OPCML: variants seen among roughly 807,000 people sequenced by gnomAD.
OPCML encodes opioid binding protein/cell adhesion molecule like.
In OPCML, 13 loss-of-function variants were observed where a neutral mutation model predicts 37.8. That is an observed-to-expected ratio of 0.34 (90% CI 0.22 to 0.55). The LOEUF (loss-of-function observed/expected upper bound fraction) is 0.55. OPCML is among the 20% of genes least tolerant of loss of function. OPCML has a pLI of 0.91. For missense variants in OPCML, 341 were observed against 435.6 expected, an observed-to-expected ratio of 0.78 and a Z score of 1.93; for synonymous variants, 176 against 168.8, an observed-to-expected ratio of 1.04 and a Z score of -0.33.
At chr11:132,866,133 A>G (rs931835862) in intron 2 of OPCML, among the ~76,000 whole-genome samples, 9 of 152,220 alleles carry the variant, frequency 5.9e-5, no homozygotes, top group African/African-American at 2.2e-4. Context: ...CTTTAATGCG[A>G]TCTCAAATTA....
intron 1 of OPCML, chr11:133,439,479 C>T (rs896152866): frequency 1.3e-4 from 123 of 977,666 alleles, no homozygotes; most frequent in Non-Finnish European, 1.3e-4. Flanking sequence ...TGTTTTTTTT[C>T]TTTTTTGAGA....
At chr11:132,430,689 T>G (rs2136701675) in intron 7 of OPCML, among the ~76,000 whole-genome samples, 1 of 152,292 alleles carries the variant, frequency 6.6e-6, no homozygotes, top group Non-Finnish European at 1.5e-5. Context: ...TTAATGTAAC[T>G]GATTTGTGTC....
chr11:133,257,480 T>G lies in OPCML; in HGVS notation c.61+274784A>C, dbSNP rs1648126764. Among the ~76,000 whole-genome samples, 5 of 152,152 alleles carry G rather than the reference T, an allele frequency of 3.3e-5. No homozygotes were observed. In the South Asian group the frequency reaches 1.0e-3, roughly 32 times the overall value. ...GTTGTTTCTGTACCTGTATCACAAGTTGGGTTGTGTGGCTGCTTCATCCAT... is the reference window on the plus strand; with the variant it reads ...GTTGTTTCTGTACCTGTATCACAAGGTGGGTTGTGTGGCTGCTTCATCCAT... On this transcript the variant is annotated intron_variant, in intron 1 of 7. Transcript: ENST00000524381.
chr11:132,925,738 C>T (rs996747132), intron 2 of OPCML, among the ~76,000 whole-genome samples: 5 of 152,008 alleles, frequency 3.3e-5, no homozygotes, highest in Admixed American at 6.6e-5. Context: ...AAGGTAGTGG[C>T]CTTATCCTAT....
intron 1 of OPCML, among the ~76,000 whole-genome samples, chr11:133,245,117 T>G (rs983223251): frequency 6.6e-6 from 1 of 152,166 alleles, no homozygotes; most frequent in Non-Finnish European, 1.5e-5. Context: ...TTCAAGGAAG[T>G]TGCAATCAGG....
At chr11:132,591,780 C>T (rs997679875) in intron 3 of OPCML, among the ~76,000 whole-genome samples, 1 of 152,214 alleles carries the variant, frequency 6.6e-6, no homozygotes, top group African/African-American at 2.4e-5. Flanking sequence ...TAAAAGGAAA[C>T]ATCATCCCTG....
At chr11:132,849,257 A>G (rs1941690070) in intron 2 of OPCML, among the ~76,000 whole-genome samples, 1 of 152,220 alleles carries the variant, frequency 6.6e-6, no homozygotes, top group Admixed American at 6.5e-5. Context: ...ATTATTGTTT[A>G]TTAGAACTTA....
chr11:133,259,954 AAGAC>A (rs1303313079), intron 1 of OPCML, among the ~76,000 whole-genome samples: 4 of 152,212 alleles, frequency 2.6e-5, no homozygotes, highest in Admixed American at 2.6e-4. Context: ...AATGAAAAGA[AAGAC>A]AGACAATAGG....
intron 1 of OPCML, among the ~76,000 whole-genome samples, chr11:133,148,662 G>A (rs989791973): frequency 6.6e-6 from 1 of 152,228 alleles, no homozygotes. Context: ...GCACTTCAGC[G>A]CTCGCTCCAT....
chr11:132,620,856 A>C (rs1939359956), intron 3 of OPCML, among the ~76,000 whole-genome samples: 4 of 152,214 alleles, frequency 2.6e-5, no homozygotes, highest in Non-Finnish European at 1.5e-5. Context: ...GCCAGATCCC[A>C]TGCCCTGAAG....
At chr11:132,458,030 A>G (rs868654382) in intron 4 of OPCML, among the ~76,000 whole-genome samples, 6 of 152,124 alleles carry the variant, frequency 3.9e-5, no homozygotes, top group Non-Finnish European at 7.3e-5. Context: ...GAAAAAATAA[A>G]TCAAGCAGGT....
At chr11:133,505,070 G>A (rs540959595) in intron 1 of OPCML, among the ~76,000 whole-genome samples, 5 of 152,344 alleles carry the variant, frequency 3.3e-5, no homozygotes, top group East Asian at 1.9e-4. Flanking sequence ...TGAGGCGATC[G>A]CAGGCTCTCC....
At chr11:132,643,498 G>A (rs936541222) in intron 3 of OPCML, among the ~76,000 whole-genome samples, 4 of 152,236 alleles carry the variant, frequency 2.6e-5, no homozygotes, top group South Asian at 4.1e-4. Context: ...CCAGGGAGGC[G>A]CCCTCAGAAC....
intron 2 of OPCML, among the ~76,000 whole-genome samples, chr11:132,896,903 T>C (rs1565945455): frequency 6.6e-6 from 1 of 152,236 alleles, no homozygotes; most frequent in Non-Finnish European, 1.5e-5. Flanking sequence ...GAAGGATATG[T>C]TGTGTATCTG....
chr11:133,499,045 T>A (rs1022026501), intron 1 of OPCML, among the ~76,000 whole-genome samples: 1 of 152,192 alleles, frequency 6.6e-6, no homozygotes, highest in African/African-American at 2.4e-5. Context: ...CAGCGTTGGA[T>A]CTTGACCTGG....
intron 2 of OPCML, among the ~76,000 whole-genome samples, chr11:132,724,965 C>T (rs961188693): frequency 6.6e-6 from 1 of 152,194 alleles, no homozygotes. Context: ...TACAGCCTCC[C>T]TCCCAGCCAC....
At chr11:133,239,418 G>A (rs1331664214) in intron 1 of OPCML, among the ~76,000 whole-genome samples, 2 of 152,216 alleles carry the variant, frequency 1.3e-5, no homozygotes, top group African/African-American at 4.8e-5. Flanking sequence ...ACAGGGGAGT[G>A]ACATTTGATG....
chr11:133,055,425 T>C (rs113533892), intron 1 of OPCML, among the ~76,000 whole-genome samples: 62 of 140,252 alleles, frequency 4.4e-4, no homozygotes, highest in African/African-American at 1.3e-3. Context: ...CGTATAATGC[T>C]GCCTCTATGA....
chr11:132,616,037 G>C (rs1261053529), intron 3 of OPCML, among the ~76,000 whole-genome samples: 1 of 151,892 alleles, frequency 6.6e-6, no homozygotes, highest in Non-Finnish European at 1.5e-5. Context: ...ACACCTATTT[G>C]GGCAAAAAAA....
Sources: gnomAD v4.1 joint callset for allele counts (sites outside exome capture counted in the v4.1 genomes callset) on GRCh38, gnomAD v4.1.1 for gene constraint, MANE v1.5 for transcripts, NCBI Gene and HGNC (gene_info 2026-07-23, HGNC 2026-07-21) for gene names.